PTPRF: variants seen among roughly 807,000 people sequenced by gnomAD.
The protein encoded by PTPRF is receptor-type tyrosine-protein phosphatase F.
In PTPRF, 59 loss-of-function variants were observed where a neutral mutation model predicts 201.8. The ratio of observed to expected loss-of-function variants is 0.29; its 90% CI spans 0.24 to 0.36. PTPRF has a LOEUF of 0.36. Among genes scored for constraint, PTPRF ranks in the 10% least tolerant of loss-of-function variants. The pLI, the probability that PTPRF is intolerant of heterozygous loss-of-function variation, is 1.00. For synonymous variants in PTPRF, 1,088 were observed against 1,089.7 expected (o/e 1.00, Z 0.03); for missense variants, 2,132 against 2,690.5 (o/e 0.79, Z 4.59).
intron 7 of PTPRF, among the ~76,000 whole-genome samples, chr1:43,584,924 C>T (rs1648728343): frequency 2.0e-5 from 3 of 152,212 alleles, no homozygotes; most frequent in Non-Finnish European, 4.4e-5. Flanking sequence ...GCTGATGCCT[C>T]TGGGCGCCGC....
chr1:43,551,675 A>G (rs997053725), intron 3 of PTPRF, among the ~76,000 whole-genome samples: 1 of 152,102 alleles, frequency 6.6e-6, no homozygotes, highest in Non-Finnish European at 1.5e-5. Flanking sequence ...CCGAGCCTCT[A>G]TTTCCCCACC....
At chr1:43,589,698 A>G (rs564013642) in intron 8 of PTPRF, among the ~76,000 whole-genome samples, 34,631 of 143,906 alleles carry the variant, frequency 0.24, 5,158 homozygotes, top group East Asian at 0.5. Flanking sequence ...TCTCTACGAA[A>G]AAAAAAAAAA....
intron 11 of PTPRF, among the ~76,000 whole-genome samples, chr1:43,594,121 C>T (rs1313223765): frequency 6.6e-6 from 1 of 152,204 alleles, no homozygotes. Flanking sequence ...TGCATGGGGC[C>T]TGGCCCCCAG....
At chr1:43,621,312 C>T (rs1009259132) in intron 33 of PTPRF, 80 bp downstream of exon 33, 5 of 1,539,832 alleles carry the variant, frequency 3.2e-6, no homozygotes, top group Non-Finnish European at 3.5e-6. Context: ...CAGTTTGATG[C>T]CCACAGGCAT....
Position 43,604,926 on chromosome 1 carries a change from G to A in PTPRF, c.3061G>A (p.Ala1021Thr), listed in dbSNP as rs1296789107. 6.2e-7 allele frequency: 1 copy of A among 1,614,088 alleles called. No individual in the cohort carries two copies. Among genetic ancestry groups the A allele is most frequent in the East Asian group, 2.2e-5 (1 of 44,882 alleles). ...AGTGTTTGCCAAGAACTTCCGGGTG[G>A]CGGCTGCAATGAAGACGTCTGTGCT... ...EQVFAKNFRV[A>T]AAMKTSVLLS... The change falls in exon 17 of 34, where the codon GCG (alanine) becomes ACG (threonine). Residue 1021 changes from alanine to threonine, a missense_variant. Physicochemically the swap from Ala to Thr is moderately conservative, Grantham distance 58. Transcript: ENST00000359947.
At chr1:43,597,533 TGAGA>T (rs909051359) in intron 11 of PTPRF, among the ~76,000 whole-genome samples, 1 of 151,940 alleles carries the variant, frequency 6.6e-6, no homozygotes, top group Non-Finnish European at 1.5e-5. Context: ...TGTGTGTGTG[TGAGA>T]GAGGGAAGGA....
chr1:43,591,723 T>C, intron 9 of PTPRF, 89 bp from the exon 10 acceptor site: 1 of 1,534,574 alleles, frequency 6.5e-7, no homozygotes, highest in Admixed American at 1.9e-5. Flanking sequence ...GGGTGTGAGG[T>C]TAGGACCTGA....
rs1215725819 is a variant in PTPRF at position 43,530,936 on chromosome 1, G to GGGCTCGGGCTCC, written c.-274_-263dup. On this transcript the variant is annotated 5_prime_UTR_variant, in exon 1 of 34. Transcript: ENST00000359947. The surrounding 1 kb of genome is among the most constrained non-coding windows in gnomAD (Gnocchi z 4.1). ...GCGGCTCCAGCTTCGGCTCCGGCTC[G>GGGCTCGGGCTCC]GGCTCGGGCTCCGGCTCCGGCTCCG... 3.3e-5 allele frequency: 5 copies of GGGCTCGGGCTCC among 151,870 alleles called. No individual in the cohort carries two copies. Among genetic ancestry groups the GGGCTCGGGCTCC allele is most frequent in the South Asian group, 1.7e-4 (1 of 5,760 alleles). The allele number at this position is 151,870 out of a possible 1,614,324, so 9.4% of individuals were successfully genotyped here.
chr1:43,553,337 G>A lies in PTPRF; in HGVS notation c.92-155G>A, dbSNP rs1385675809. On this transcript the variant is annotated intron_variant, in intron 3 of 33. Coordinates refer to ENST00000359947, the MANE Select transcript of PTPRF (RefSeq NM_002840.5). The surrounding 1 kb of genome is among the most constrained non-coding windows in gnomAD (Gnocchi z 4.1). The stretch of plus-strand genomic sequence containing the variant: ...AGAGTTAAAAAATGTTAAACTCTCT[G>A]AACAGTGCCTGGCACATACTAAGCG... Among the ~76,000 whole-genome samples the A allele has an allele frequency of 2.0e-5, 3 of 152,172 alleles. No homozygotes were observed. The highest frequency in any genetic ancestry group is 2.9e-5 in the Non-Finnish European group (2 of 68,024).
intron 5 of PTPRF, among the ~76,000 whole-genome samples, chr1:43,559,095 A>G (rs1645604170): frequency 6.6e-6 from 1 of 152,224 alleles, no homozygotes; most frequent in Non-Finnish European, 1.5e-5. Context: ...GGTCATTGAT[A>G]GGGCAGATAA....
At chr1:43,599,905 C>A (rs1458987846) in intron 13 of PTPRF, among the ~76,000 whole-genome samples, 1 of 152,182 alleles carries the variant, frequency 6.6e-6, no homozygotes, top group East Asian at 1.9e-4. Flanking sequence ...CTCAAGGTCT[C>A]CCTATCCAGG....
chr1:43,607,861 G>A (rs1655514511), intron 21 of PTPRF, among the ~76,000 whole-genome samples: 1 of 152,208 alleles, frequency 6.6e-6, no homozygotes. Context: ...CCCCTTCCTT[G>A]CACAGCTGTC....
chr1:43,613,352 G>A, intron 22 of PTPRF: 1 of 430,766 alleles, frequency 2.3e-6, no homozygotes, highest in Non-Finnish European at 4.3e-6. Flanking sequence ...TCCATCTTGA[G>A]AGACCTGCCA....
chr1:43,605,483 G>C, intron 18 of PTPRF, 40 bp downstream of exon 18: 1 of 1,612,452 alleles, frequency 6.2e-7, no homozygotes, highest in Non-Finnish European at 8.5e-7. Flanking sequence ...GGCAGGGCTG[G>C]AGGTAACCAG....
rs567970701 is a variant in PTPRF at position 43,619,330 on chromosome 1, C to T, written c.4689C>T (p.Ala1563=). ...CCGGCTGCTTCATCGTGATTGATGC[C>T]ATGTTGGAGCGGATGAAGCACGAGA... The part of the protein sequence containing the change: ...GRTGCFIVID[A]MLERMKHEKT... Residue 1563 remains alanine (A), a synonymous_variant, in exon 28 of 34, where the codon GCC becomes GCT. Coordinates refer to ENST00000359947, the MANE Select transcript of PTPRF (RefSeq NM_002840.5). 7.9e-5 allele frequency: 128 copies of T among 1,613,814 alleles called. 2 individuals carry two copies. The South Asian group carries it at 1.3e-3, about 16-fold the overall frequency.
chr1:43,546,514 C>T lies in PTPRF; in HGVS notation c.91+1348C>T, dbSNP rs1031835768. Among the ~76,000 whole-genome samples the T allele has an allele frequency of 3.3e-5, 5 of 152,134 alleles. No homozygotes were observed. Among genetic ancestry groups the T allele is most frequent in the African/African-American group, 4.8e-5 (2 of 41,408 alleles). On this transcript the variant is annotated intron_variant, in intron 3 of 33. Coordinates refer to ENST00000359947, the MANE Select transcript of PTPRF (RefSeq NM_002840.5). This position sits in a 1 kb window ranked among gnomAD's most constrained non-coding sequence, Gnocchi z 4.2. The stretch of plus-strand genomic sequence containing the variant: ...CACATGGTTGGCAGGAAGGTGAAGG[C>T]TTGTCCACGTGTGGTCAGTAGCTCT...
intron 23 of PTPRF, among the ~76,000 whole-genome samples, chr1:43,614,059 C>T (rs556803791): frequency 8.7e-4 from 133 of 152,354 alleles, no homozygotes; most frequent in Non-Finnish European, 1.5e-3. Context: ...ATAACAGCCA[C>T]AGTAGCTGGC....
At chr1:43,612,307 T>A (rs1032774396) in intron 22 of PTPRF, among the ~76,000 whole-genome samples, 2 of 152,082 alleles carry the variant, frequency 1.3e-5, no homozygotes, top group Non-Finnish European at 2.9e-5. Context: ...GAGAAACCCC[T>A]TTCAAAGATC....
At chr1:43,544,960 A>G (rs1644570093) in intron 2 of PTPRF, 71 bp from the exon 3 acceptor site, 1 of 877,832 alleles carries the variant, frequency 1.1e-6, no homozygotes, top group Non-Finnish European at 1.7e-6. Context: ...GGGGTCAGAA[A>G]GCGTCAGGGG....
Sources: allele counts gnomAD v4.1 joint callset (sites outside exome capture counted in the v4.1 genomes callset), GRCh38; gene constraint gnomAD v4.1.1; non-coding constraint Gnocchi (gnomAD v3.1); transcripts MANE v1.5; gene names NCBI Gene and HGNC (gene_info 2026-07-23, HGNC 2026-07-21).